ATPAF1: variants seen among roughly 807,000 people sequenced by gnomAD.
The protein encoded by ATPAF1 is homolog of yeast ATP11.
A neutral mutation model predicts 43.9 loss-of-function variants in ATPAF1; 26 were observed. The observed-to-expected ratio is 0.59, with a 90% CI of 0.43 to 0.82. The LOEUF (loss-of-function observed/expected upper bound fraction) is 0.82. ATPAF1 is among the 40% of genes least tolerant of loss of function. The pLI is 0.00. For synonymous variants in ATPAF1, 157 were observed against 168.0 expected (o/e 0.93, Z 0.50); for missense variants, 366 against 435.0 (o/e 0.84, Z 1.41).
intron 4 of ATPAF1, among the ~76,000 whole-genome samples, chr1:46,654,563 A>ATTATT (rs1557930928): frequency 1.3e-5 from 1 of 77,596 alleles, no homozygotes; most frequent in Non-Finnish European, 3.1e-5. Context: ...TTATTATTGT[A>ATTATT]CTTTAAGTTC....
intron 2 of ATPAF1, among the ~76,000 whole-genome samples, chr1:46,659,333 T>C (rs1003565049): frequency 1.1e-4 from 16 of 151,982 alleles, no homozygotes; most frequent in Admixed American, 1.0e-3. Flanking sequence ...GAGTCCATTC[T>C]CCACCTGCCA....
exon 8 of ATPAF1, chr1:46,643,258 T>C (rs1675981431): frequency 9.9e-6 from 16 of 1,613,790 alleles, no homozygotes; most frequent in Non-Finnish European, 1.3e-5. Flanking sequence ...AAGTTCAGGA[T>C]AGTGATATAA....
intron 8 of ATPAF1, 116 bp from the exon 9 acceptor site, chr1:46,636,086 C>T (rs1675835553): frequency 1.7e-6 from 2 of 1,183,166 alleles, no homozygotes; most frequent in Admixed American, 3.5e-5. Context: ...AGAAAGTTTC[C>T]TTAACTTCTT....
chr1:46,660,035 G>A (rs1417913533), intron 2 of ATPAF1, among the ~76,000 whole-genome samples: 1 of 150,446 alleles, frequency 6.6e-6, no homozygotes, highest in African/African-American at 2.5e-5. Context: ...GGAGTGCAGT[G>A]GCACAATGTC....
chr1:46,658,851 C>A, intron 2 of ATPAF1, 114 bp from the exon 3 acceptor site: 1 of 593,374 alleles, frequency 1.7e-6, no homozygotes, highest in Non-Finnish European at 2.8e-6. Flanking sequence ...GAACTCACTT[C>A]TCTCCACTTT....
At chr1:46,645,348 A>G (rs1676023196) in intron 6 of ATPAF1, 92 bp from the exon 7 acceptor site, 2 of 1,068,978 alleles carry the variant, frequency 1.9e-6, no homozygotes, top group South Asian at 1.4e-5. Context: ...CATTTCCTCC[A>G]TATTTGGTTT....
chr1:46,634,822 T>C (rs1215589219), downstream of ATPAF1: 1 of 152,464 alleles, frequency 6.6e-6, no homozygotes, highest in Non-Finnish European at 1.5e-5. Context: ...AATTTTTCAG[T>C]CCCAAGATGA....
intron 7 of ATPAF1, among the ~76,000 whole-genome samples, chr1:46,644,282 A>G (rs1439442796): frequency 4.3e-5 from 6 of 139,548 alleles, no homozygotes; most frequent in African/African-American, 1.6e-4. Context: ...CCTGGGCTCA[A>G]TCCTGGCTCT....
At chr1:46,663,374 T>A (rs559869611) in intron 2 of ATPAF1, among the ~76,000 whole-genome samples, 2 of 152,168 alleles carry the variant, frequency 1.3e-5, no homozygotes, top group African/African-American at 4.8e-5. Context: ...TTCCACAATG[T>A]TTGAACTAGT....
At chr1:46,641,411 GTT>G (rs1216996668) in intron 8 of ATPAF1, among the ~76,000 whole-genome samples, 1 of 152,088 alleles carries the variant, frequency 6.6e-6, no homozygotes, top group African/African-American at 2.4e-5. Flanking sequence ...ATACAAATAT[GTT>G]TTCTTTCTCA....
chr1:46,657,064 C>T (rs947749054), intron 4 of ATPAF1, among the ~76,000 whole-genome samples: 1 of 152,160 alleles, frequency 6.6e-6, no homozygotes, highest in African/African-American at 2.4e-5. Flanking sequence ...GGGTTTGAGT[C>T]CCAGCTCTAC....
At chr1:46,645,114 C>A (rs769721211) in intron 7 of ATPAF1, 47 bp downstream of exon 7, 7 of 1,495,964 alleles carry the variant, frequency 4.7e-6, no homozygotes, top group Non-Finnish European at 6.5e-6. Flanking sequence ...CTAGTCCTAC[C>A]AAGGGGTAGT....
chr1:46,663,244 C>T (rs1271193559), intron 2 of ATPAF1, among the ~76,000 whole-genome samples: 1 of 152,216 alleles, frequency 6.6e-6, no homozygotes, highest in African/African-American at 2.4e-5. Context: ...AATAAACATA[C>T]ATGTGCATGT....
In ATPAF1 at chr1:46,653,120, T is replaced by C. The variant is rs982392250; in HGVS notation, c.541-492A>G. Reference sequence around the variant, plus strand: ...TATGTTTTCCTCCTTAATCTTACACTTACTCATGTAATCTCAATATATATT... The same window carrying C: ...TATGTTTTCCTCCTTAATCTTACACCTACTCATGTAATCTCAATATATATT... On this transcript the variant is annotated intron_variant, in intron 5 of 8. Coordinates refer to ENST00000574428, the Ensembl canonical transcript of ATPAF1. This position sits in a 1 kb window ranked among gnomAD's most constrained non-coding sequence, Gnocchi z 4.8. Among the ~76,000 whole-genome samples, 11 of 152,192 alleles carry C rather than the reference T, an allele frequency of 7.2e-5. No individual in the cohort carries two copies. The highest frequency in any genetic ancestry group is 2.7e-4 in the African/African-American group (11 of 41,452).
At chr1:46,647,109 T>A (rs1298361950) in intron 6 of ATPAF1, among the ~76,000 whole-genome samples, 9 of 152,242 alleles carry the variant, frequency 5.9e-5, no homozygotes, top group African/African-American at 1.2e-4. Context: ...GATGTATTAC[T>A]CTTTATGTAG....
chr1:46,633,918 C>A (rs1041558553), downstream of ATPAF1: 3 of 443,250 alleles, frequency 6.8e-6, no homozygotes, highest in Non-Finnish European at 1.4e-5. Flanking sequence ...TTCAGAAGGT[C>A]AGAAGGCATT....
chr1:46,635,471 G>A (rs902660693), exon 9 of ATPAF1: 6 of 302,390 alleles, frequency 2.0e-5, no homozygotes, highest in Admixed American at 1.4e-4. Flanking sequence ...ATGCAACTGC[G>A]CTGTTACACT....
chr1:46,668,126 C>T lies in ATPAF1; in HGVS notation c.197G>A (p.Gly66Glu), dbSNP rs1405092847. The T allele has an allele frequency of 2.1e-6, 3 of 1,429,974 alleles. No homozygotes were observed. The African/African-American group carries it at 4.5e-5, about 21-fold the overall frequency. 88.6% of individuals were successfully genotyped at this position (1,429,974 alleles called of 1,614,324 possible). The stretch of plus-strand genomic sequence containing the variant: ...GTTGGCCTGGAGCTCGGCCTCGGCC[C>T]CGACCCCGCTGCTGTCGGCGCCCCC... Residue 66 changes from glycine (G) to glutamate (E), a missense_variant, in exon 1 of 9, where the codon GGG becomes GAG. This residue lies in a region of ATPAF1 where 186 missense variants were observed against 168.5 expected (regional missense o/e 1.10). Transcript: ENST00000574428. The surrounding 1 kb of genome is among the most constrained non-coding windows in gnomAD (Gnocchi z 4.4).
intron 6 of ATPAF1, among the ~76,000 whole-genome samples, chr1:46,648,527 A>G (rs938913232): frequency 4.6e-5 from 7 of 152,138 alleles, no homozygotes; most frequent in African/African-American, 1.7e-4. Context: ...TAGCTGGGAC[A>G]ACAGGTGCTT....
Sources: gnomAD v4.1 joint callset for allele counts (sites outside exome capture counted in the v4.1 genomes callset) on GRCh38, gnomAD v4.1.1 for gene constraint, gnomAD v4.1.1 regional missense constraint, Gnocchi (gnomAD v3.1) non-coding constraint, MANE v1.5 for transcripts, NCBI Gene and HGNC (gene_info 2026-07-23, HGNC 2026-07-21) for gene names.